Variants in INSR observed in about 807,000 individuals in gnomAD.
INSR encodes IR.
In INSR, 67 loss-of-function variants were observed where a neutral mutation model predicts 142.6. The ratio of observed to expected loss-of-function variants is 0.47; its 90% CI spans 0.39 to 0.58. The LOEUF (loss-of-function observed/expected upper bound fraction) is 0.58. Ranked by LOEUF, INSR falls within the 20% of genes least tolerant of loss-of-function variation. INSR has a pLI of 0.00. For synonymous variants in INSR, 756 were observed against 743.1 expected, an observed-to-expected ratio of 1.02 and a Z score of -0.28; for missense variants, 1,248 against 1,833.2, an observed-to-expected ratio of 0.68 and a Z score of 5.83.
intron 2 of INSR, among the ~76,000 whole-genome samples, chr19:7,256,017 A>G (rs79814559): frequency 0.027 from 4,081 of 152,246 alleles, 118 homozygotes; most frequent in Non-Finnish European, 0.037. Context: ...GGAGCCCAGA[A>G]ACATACTCTC....
chr19:7,211,942 CAA>C (rs1230055264), intron 2 of INSR, among the ~76,000 whole-genome samples: 1 of 152,172 alleles, frequency 6.6e-6, no homozygotes, highest in Non-Finnish European at 1.5e-5. Flanking sequence ...GGCCGTTTCC[CAA>C]GTCACAGACT....
At chr19:7,185,079 A>C (rs1288807763) in intron 2 of INSR, among the ~76,000 whole-genome samples, 1 of 152,240 alleles carries the variant, frequency 6.6e-6, no homozygotes, top group East Asian at 1.9e-4. Flanking sequence ...ACACAAAAGT[A>C]GTAAATAACC....
At chr19:7,117,514 T>G in intron 21 of INSR, 104 bp from the exon 22 acceptor site, 1 of 773,306 alleles carries the variant, frequency 1.3e-6, no homozygotes, top group South Asian at 1.7e-5. Flanking sequence ...GGACCACATG[T>G]GCTCACATCA....
intron 13 of INSR, among the ~76,000 whole-genome samples, chr19:7,140,344 A>G (rs1568439953): frequency 6.6e-6 from 1 of 152,202 alleles, no homozygotes; most frequent in Non-Finnish European, 1.5e-5. Context: ...TTTGTAAATA[A>G]AGTTTTATTG....
rs561278390 is a variant in INSR at position 7,112,323 on chromosome 19, G to A, written c.*4733C>T. 3.3e-5 allele frequency: 5 copies of A among 152,084 alleles called. No individual in the cohort carries two copies. Among genetic ancestry groups the A allele is most frequent in the African/African-American group, 1.2e-4 (5 of 41,476 alleles). The allele number at this position is 152,084 out of a possible 1,614,324, so 9.4% of individuals were successfully genotyped here. On this transcript the variant is annotated 3_prime_UTR_variant, in exon 22 of 22. Coordinates refer to ENST00000302850, the MANE Select transcript of INSR (RefSeq NM_000208.4). ...TTATCCCATATTTTACATGCAGAAC[G>A]ATTTCAATATTCCAAAAAAAAAGGC... is the stretch of plus-strand genomic sequence containing the variant.
intron 4 of INSR, among the ~76,000 whole-genome samples, chr19:7,174,333 T>C (rs534473498): frequency 2.6e-5 from 4 of 152,024 alleles, no homozygotes; most frequent in South Asian, 4.2e-4. Flanking sequence ...AAATGCAGAT[T>C]CCTGATGCCC....
chr19:7,274,762 G>A (rs1252254310), intron 1 of INSR, among the ~76,000 whole-genome samples: 1 of 148,186 alleles, frequency 6.7e-6, no homozygotes, highest in East Asian at 2.0e-4. Context: ...CCAAGATCAG[G>A]CCACTGCACT....
intron 2 of INSR, among the ~76,000 whole-genome samples, chr19:7,200,896 A>C (rs1471892103): frequency 6.7e-6 from 1 of 148,370 alleles, no homozygotes; most frequent in Non-Finnish European, 1.5e-5. Flanking sequence ...GAAGAGCCAC[A>C]CTTCCACACA....
rs1257992545 is a variant in INSR, at chr19:7,250,547, GA to G, written c.652+16797del. Among the ~76,000 whole-genome samples the G allele has an allele frequency of 2.3e-5, 3 of 132,418 alleles. No homozygotes were observed. In the Admixed American group the frequency reaches 2.4e-4, roughly 11 times the overall value. 86.9% of individuals were successfully genotyped at this position (132,418 alleles called of 152,430 possible). A position where few individuals can be genotyped will look rare whatever the true frequency, so the allele number is the denominator to read the frequency against. ...AGGGAGAGGGAGGGAGAGAAGGAAG[GA>G]AGGGAGGAAATAAAGAAAAAGGAAG... On this transcript the variant is annotated intron_variant, in intron 2 of 21. Coordinates refer to ENST00000302850, the MANE Select transcript of INSR (RefSeq NM_000208.4).
intron 2 of INSR, among the ~76,000 whole-genome samples, chr19:7,224,830 G>A (rs929933303): frequency 1.3e-5 from 2 of 151,732 alleles, no homozygotes; most frequent in South Asian, 2.1e-4. Flanking sequence ...GAGACCTAGG[G>A]CTGTAAGGAA....
rs1042335934 is a variant in INSR, at chr19:7,166,068, G to C, written c.1861+86C>G. The C allele has an allele frequency of 8.0e-6, 12 of 1,493,180 alleles. No individual in the cohort carries two copies. In the East Asian group the frequency reaches 2.7e-4, roughly 34 times the overall value. The allele number at this position is 1,493,180 out of a possible 1,614,324, so 92.5% of individuals were successfully genotyped here. On this transcript the variant is annotated intron_variant, in intron 8 of 21. Transcript: ENST00000302850. The surrounding 1 kb of genome is among the most constrained non-coding windows in gnomAD (Gnocchi z 4.1). Reference sequence around the variant, plus strand: ...AAAAAGCCAATAACCATATCAAGGAGCATTTTATACAACCTCACTGCATCA... The same window carrying C: ...AAAAAGCCAATAACCATATCAAGGACCATTTTATACAACCTCACTGCATCA...
chr19:7,170,867 C>G, intron 5 of INSR, 116 bp from the exon 6 acceptor site: 1 of 836,206 alleles, frequency 1.2e-6, no homozygotes, highest in African/African-American at 1.7e-5. Context: ...ATCCTCTCCA[C>G]TTGCTTGGCA....
At chr19:7,145,656 G>T (rs1182414580) in intron 11 of INSR, among the ~76,000 whole-genome samples, 1 of 152,210 alleles carries the variant, frequency 6.6e-6, no homozygotes, top group East Asian at 1.9e-4. Context: ...AAACAAGTGG[G>T]TGGGGTTGCA....
In INSR at chr19:7,153,785, G is replaced by A. The variant is rs368487928; in HGVS notation, c.2030-858C>T. 1.4e-4 allele frequency among the ~76,000 whole-genome samples: 22 copies of A among 152,262 alleles called. No homozygotes were observed. In the East Asian group the frequency reaches 3.3e-3, roughly 23 times the overall value. On this transcript the variant is annotated intron_variant, in intron 9 of 21. Coordinates refer to ENST00000302850, the MANE Select transcript of INSR (RefSeq NM_000208.4). Reference sequence around the variant, plus strand: ...AATCCTGGCACTTTCGGAGGCCGAGGTGTGAGGATCACGTGAGCCCAGGAG... The same window carrying A: ...AATCCTGGCACTTTCGGAGGCCGAGATGTGAGGATCACGTGAGCCCAGGAG...
rs924737786 is a variant in INSR, at chr19:7,132,451, C to T, written c.2683-134G>A. The T allele has an allele frequency of 1.9e-5, 18 of 925,326 alleles. 1 individual carries two copies. The South Asian group carries it at 2.0e-4, about 10-fold the overall frequency. The allele number at this position is 925,326 out of a possible 1,614,324, so 57.3% of individuals were successfully genotyped here. On this transcript the variant is annotated intron_variant, in intron 13 of 21. Coordinates refer to ENST00000302850, the MANE Select transcript of INSR (RefSeq NM_000208.4). ...AGGCAGCAAAGCACAGACTAAGACA[C>T]ATAAGCGACTTTGAGAATTGCAGAA...
At chr19:7,136,136 G>C (rs144828172) in intron 13 of INSR, among the ~76,000 whole-genome samples, 3 of 152,176 alleles carry the variant, frequency 2.0e-5, no homozygotes, top group Admixed American at 6.6e-5. Context: ...GCATGAAGTG[G>C]TATTGCATCG....
intron 1 of INSR, among the ~76,000 whole-genome samples, chr19:7,274,487 G>A (rs988149918): frequency 6.6e-6 from 1 of 151,478 alleles, no homozygotes; most frequent in Non-Finnish European, 1.5e-5. Flanking sequence ...CGAAACGGAG[G>A]CTCATTTTTC....
chr19:7,215,145 G>C (rs1168338897), intron 2 of INSR, among the ~76,000 whole-genome samples: 1 of 151,976 alleles, frequency 6.6e-6, no homozygotes, highest in Non-Finnish European at 1.5e-5. Flanking sequence ...TGTAGACAAA[G>C]GTCATACAGC....
intron 9 of INSR, among the ~76,000 whole-genome samples, chr19:7,154,508 T>C (rs561038400): frequency 3.5e-4 from 52 of 150,624 alleles, no homozygotes; most frequent in Middle Eastern, 3.4e-3. Flanking sequence ...TTCATTGTGT[T>C]AGCCAGGATG....
Sources: gnomAD v4.1 joint callset for allele counts (sites outside exome capture counted in the v4.1 genomes callset) on GRCh38, gnomAD v4.1.1 for gene constraint, Gnocchi (gnomAD v3.1) non-coding constraint, MANE v1.5 for transcripts, NCBI Gene and HGNC (gene_info 2026-07-23, HGNC 2026-07-21) for gene names.